STARD7: variants seen among roughly 807,000 people sequenced by gnomAD.
STARD7 encodes the protein StAR related lipid transfer domain containing 7.
STARD7 carries 30 observed loss-of-function variants against 45.3 expected under a neutral mutation model. The observed-to-expected ratio is 0.66, with a 90% CI of 0.50 to 0.90. STARD7 has a LOEUF of 0.90. Ranked by LOEUF, STARD7 falls within the 40% of genes least tolerant of loss-of-function variation. The pLI, the probability that STARD7 is intolerant of heterozygous loss-of-function variation, is 0.00. For synonymous variants in STARD7, 199 were observed against 183.0 expected, an observed-to-expected ratio of 1.09 and a Z score of -0.70; for missense variants, 495 against 491.3, an observed-to-expected ratio of 1.01 and a Z score of -0.07.
chr2:96,202,823 G>A (rs931996554), intron 1 of STARD7, among the ~76,000 whole-genome samples: 1 of 152,032 alleles, frequency 6.6e-6, no homozygotes, highest in African/African-American at 2.4e-5. Flanking sequence ...AACATCAGAG[G>A]CTCATAAAAT....
rs113641896 is a variant in STARD7, at chr2:96,196,113, CAA to C, written c.291-566_291-565del. Among the ~76,000 whole-genome samples, 289 of 83,354 alleles carry C rather than the reference CAA, an allele frequency of 3.5e-3. 3 individuals carry two copies. In the East Asian group the frequency reaches 0.043, roughly 13 times the overall value. The allele number at this position is 83,354 out of a possible 152,430, so 54.7% of individuals were successfully genotyped here. A position where few individuals can be genotyped will look rare whatever the true frequency, so the allele number is the denominator to read the frequency against. ...GGGCGACAGAGTGAGACTCTTGTCT[CAA>C]AAAAAAAAAAAAAACAAAAAACAAA... is the stretch of plus-strand genomic sequence containing the variant. On this transcript the variant is annotated intron_variant, in intron 1 of 7. Coordinates refer to ENST00000337288, the MANE Select transcript of STARD7 (RefSeq NM_020151.4).
rs11164061 is a variant in STARD7 at position 96,185,092 on chromosome 2, T to A, written c.*1638A>T. ...ATTCTCTCTCTCTCTTATGCACACA[T>A]CCATCCACATCCCAACAATTGCAGG... On this transcript the variant is annotated 3_prime_UTR_variant, in exon 8 of 8. Coordinates refer to ENST00000337288, the MANE Select transcript of STARD7 (RefSeq NM_020151.4). The A allele has an allele frequency of 0.017, 2,644 of 152,570 alleles. 193 individuals carry two copies. The East Asian group carries it at 0.21, about 12-fold the overall frequency. The allele number at this position is 152,570 out of a possible 1,614,324, so 9.5% of individuals were successfully genotyped here.
At position 96,186,461 on chromosome 2, in the gene STARD7, G is replaced by C. The variant is rs1683038539; in HGVS notation, c.*269C>G. 3.2e-6 allele frequency: 1 copy of C among 310,816 alleles called. No homozygotes were observed. Among genetic ancestry groups the C allele is most frequent in the South Asian group, 1.1e-4 (1 of 8,816 alleles). The allele number at this position is 310,816 out of a possible 1,614,324, so 19.3% of individuals were successfully genotyped here. On this transcript the variant is annotated 3_prime_UTR_variant, in exon 8 of 8. Transcript: ENST00000337288. ...ATCCCCTTCTGGCCTGAGGTGAGAG[G>C]TTTGTTCCAGATTAGCTCAGTGAGA...
rs1486600752 is a variant in STARD7 at position 96,208,208 on chromosome 2, A to G, written c.227T>C (p.Met76Thr). The G allele has an allele frequency of 2.5e-6, 4 of 1,611,260 alleles. No individual in the cohort carries two copies. Among genetic ancestry groups the G allele is most frequent in the Admixed American group, 1.7e-5 (1 of 59,648 alleles). Reference sequence around the variant, plus strand: ...AACGAAGACGCCGGCTAACGCCGCCATCAAGGCAGAGGCATGGCCAGGACG... The same window carrying G: ...AACGAAGACGCCGGCTAACGCCGCCGTCAAGGCAGAGGCATGGCCAGGACG... Reference protein sequence around the residue: ...HGRPGHASALMAALAGVFVWD... With the variant: ...HGRPGHASALTAALAGVFVWD... Residue 76 changes from methionine to threonine, a missense_variant, in exon 1 of 8, where the codon ATG (methionine) becomes ACG (threonine). Coordinates refer to ENST00000337288, the MANE Select transcript of STARD7 (RefSeq NM_020151.4).
At chr2:96,199,489 T>C (rs1371603379) in intron 1 of STARD7, among the ~76,000 whole-genome samples, 1 of 152,376 alleles carries the variant, frequency 6.6e-6, no homozygotes, top group South Asian at 2.1e-4. Flanking sequence ...TACATAAACA[T>C]GACTTCCGTG....
chr2:96,187,461 T>C, intron 6 of STARD7, 160 bp from the exon 7 acceptor site: 2 of 562,098 alleles, frequency 3.6e-6, no homozygotes, highest in South Asian at 4.3e-5. Flanking sequence ...CCTGAGAGAC[T>C]ACTATCTATA....
At chr2:96,204,119 C>T (rs1470105433) in intron 1 of STARD7, among the ~76,000 whole-genome samples, 1 of 151,672 alleles carries the variant, frequency 6.6e-6, no homozygotes, top group Admixed American at 6.6e-5. Flanking sequence ...ATTAAACAGG[C>T]GTGGTGGCAC....
In STARD7 at chr2:96,189,798, G is replaced by T. The variant is rs150113328; in HGVS notation, c.844-2497C>A. Among the ~76,000 whole-genome samples the T allele has an allele frequency of 4.1e-3, 617 of 152,046 alleles. 3 individuals carry two copies. Among genetic ancestry groups the T allele is most frequent in the African/African-American group, 0.014 (568 of 41,462 alleles). On this transcript the variant is annotated intron_variant, in intron 6 of 7. Transcript: ENST00000337288. Reference sequence around the variant, plus strand: ...AAATTTTATTCTTCGTATTATTGGTGATCTTACTGTATTGTTATTCTGAGG... The same window carrying T: ...AAATTTTATTCTTCGTATTATTGGTTATCTTACTGTATTGTTATTCTGAGG...
Position 96,195,422 on chromosome 2 carries a change from G to T in STARD7, c.418C>A (p.Arg140Ser), listed in dbSNP as rs181733184. 6.2e-7 allele frequency: 1 copy of T among 1,612,060 alleles called. No homozygotes were observed. Among genetic ancestry groups the T allele is most frequent in the African/African-American group, 1.3e-5 (1 of 75,022 alleles). ...TTCTTATCCATCACCATTTCCCAAC[G>T]TTGCTCTTTGCCCTCTGAATCTTCA... Reference protein sequence around the residue: ...GNEDSEGKEQRWEMVMDKKHF... With the variant: ...GNEDSEGKEQSWEMVMDKKHF... Residue 140 changes from arginine to serine, a missense_variant, in exon 2 of 8, where the codon CGT becomes AGT. Arg to Ser is a moderately radical substitution (Grantham distance 110). Transcript: ENST00000337288.
Position 96,186,131 on chromosome 2 carries a change from T to A in STARD7, c.*599A>T, listed in dbSNP as rs1260059836. On this transcript the variant is annotated 3_prime_UTR_variant, in exon 8 of 8. Transcript: ENST00000337288. ...ATGGCCCAGGAGTTCAAGACCAGCCTGGGAAACAGAGTGAAACTCCATCTC... is the reference window on the plus strand; with the variant it reads ...ATGGCCCAGGAGTTCAAGACCAGCCAGGGAAACAGAGTGAAACTCCATCTC... 6.6e-6 allele frequency: 1 copy of A among 151,954 alleles called. No individual in the cohort carries two copies. Among genetic ancestry groups the A allele is most frequent in the East Asian group, 1.9e-4 (1 of 5,166 alleles). 9.4% of individuals were successfully genotyped at this position (151,954 alleles called of 1,614,324 possible).
chr2:96,207,172 C>T (rs1683407148), intron 1 of STARD7, among the ~76,000 whole-genome samples: 1 of 152,334 alleles, frequency 6.6e-6, no homozygotes, highest in East Asian at 1.9e-4. Context: ...GGGTGTTACA[C>T]CTCCCACACA....
chr2:96,208,800 A>G lies in STARD7; in HGVS notation c.-366T>C, dbSNP rs762154429. 7 of 402,630 alleles carry G rather than the reference A, an allele frequency of 1.7e-5. No homozygotes were observed. The highest frequency in any genetic ancestry group is 2.6e-5 in the Non-Finnish European group (6 of 227,024). The allele number at this position is 402,630 out of a possible 1,614,324, so 24.9% of individuals were successfully genotyped here. Reference sequence around the variant, plus strand: ...AGACAGCTCAGGCCCAGCAGCACGCAAGCTCCCGCGCCTTCCGCGACTGCC... The same window carrying G: ...AGACAGCTCAGGCCCAGCAGCACGCGAGCTCCCGCGCCTTCCGCGACTGCC... On this transcript the variant is annotated 5_prime_UTR_variant, in exon 1 of 8. Coordinates refer to ENST00000337288, the MANE Select transcript of STARD7 (RefSeq NM_020151.4).
chr2:96,188,776 C>T lies in STARD7; in HGVS notation c.844-1475G>A, dbSNP rs192957831. Reference sequence around the variant, plus strand: ...AGGTGTGGTGGCACACACCAGTAATCCCAGCTACTCGGGAGGCTGAGGCAA... The same window carrying T: ...AGGTGTGGTGGCACACACCAGTAATTCCAGCTACTCGGGAGGCTGAGGCAA... On this transcript the variant is annotated intron_variant, in intron 6 of 7. Transcript: ENST00000337288. Among the ~76,000 whole-genome samples, 15 of 149,334 alleles carry T rather than the reference C, an allele frequency of 1.0e-4. 1 individual carries two copies. Among genetic ancestry groups the T allele is most frequent in the African/African-American group, 2.8e-4 (11 of 39,030 alleles).
At chr2:96,207,625 G>A (rs1194057219) in intron 1 of STARD7, among the ~76,000 whole-genome samples, 1 of 152,182 alleles carries the variant, frequency 6.6e-6, no homozygotes, top group South Asian at 2.1e-4. Context: ...TGGGCTGCTG[G>A]TTTGTGTAAC....
chr2:96,190,788 A>G (rs1683114613), intron 6 of STARD7, among the ~76,000 whole-genome samples: 2 of 152,082 alleles, frequency 1.3e-5, no homozygotes, highest in South Asian at 4.1e-4. Flanking sequence ...GACTACAGGC[A>G]CATATCACCA....
intron 6 of STARD7, among the ~76,000 whole-genome samples, chr2:96,190,273 G>A (rs1456671544): frequency 6.6e-6 from 1 of 151,486 alleles, no homozygotes; most frequent in African/African-American, 2.4e-5. Context: ...ACCAAAACTG[G>A]AATCAATTTG....
At chr2:96,198,773 A>G (rs978417537) in intron 1 of STARD7, among the ~76,000 whole-genome samples, 11 of 152,324 alleles carry the variant, frequency 7.2e-5, no homozygotes, top group South Asian at 4.1e-4. Context: ...CAAGGTCATA[A>G]GAACTTATGC....
At chr2:96,203,668 TAA>T (rs1205223939) in intron 1 of STARD7, among the ~76,000 whole-genome samples, 1 of 152,074 alleles carries the variant, frequency 6.6e-6, no homozygotes, top group Middle Eastern at 3.2e-3. Context: ...CACCTAGAAA[TAA>T]AAGACATAGG....
At chr2:96,197,558 AT>A (rs1683241595) in intron 1 of STARD7, among the ~76,000 whole-genome samples, 1 of 152,112 alleles carries the variant, frequency 6.6e-6, no homozygotes, top group South Asian at 2.1e-4. Context: ...GTATGTATGT[AT>A]TTTTCCCCTT....
Sources: allele counts gnomAD v4.1 joint callset (sites outside exome capture counted in the v4.1 genomes callset), GRCh38; gene constraint gnomAD v4.1.1; transcripts MANE v1.5; gene names NCBI Gene and HGNC (gene_info 2026-07-23, HGNC 2026-07-21).